The following NALF1 variants were observed in gnomAD, a reference collection of about 807,000 sequenced individuals.
NALF1 encodes NALCN channel auxiliary factor 1.
Under a neutral mutation model 48.4 loss-of-function variants are expected in NALF1, and 3 were observed. That is an observed-to-expected ratio of 0.06 (90% CI 0.03 to 0.16). The LOEUF (loss-of-function observed/expected upper bound fraction) is 0.16, where lower values mean the gene tolerates loss of function less well. NALF1 is among the 10% of genes least tolerant of loss of function. The pLI is 1.00. For synonymous variants in NALF1, 262 were observed against 245.7 expected (o/e 1.07, Z -0.62); for missense variants, 526 against 571.5 (o/e 0.92, Z 0.81).
chr13:107,700,114 G>A (rs1273603059), intron 1 of NALF1, among the ~76,000 whole-genome samples: 2 of 151,406 alleles, frequency 1.3e-5, no homozygotes, highest in Non-Finnish European at 1.5e-5. Flanking sequence ...GTCCCTATCA[G>A]AATTCCAATG....
At chr13:107,729,798 TA>T (rs1876257663) in intron 1 of NALF1, among the ~76,000 whole-genome samples, 2 of 152,138 alleles carry the variant, frequency 1.3e-5, no homozygotes, top group African/African-American at 2.4e-5. Flanking sequence ...ATTTTTAATT[TA>T]AAAAATAGTC....
intron 1 of NALF1, among the ~76,000 whole-genome samples, chr13:107,251,079 A>G (rs975719975): frequency 5.3e-5 from 8 of 152,208 alleles, no homozygotes; most frequent in African/African-American, 1.2e-4. Flanking sequence ...GAACAGACTA[A>G]TATACCTGCA....
intron 1 of NALF1, among the ~76,000 whole-genome samples, chr13:107,575,998 ATG>A (rs56118452): frequency 5.3e-5 from 8 of 151,018 alleles, no homozygotes; most frequent in Middle Eastern, 3.4e-3. Context: ...GTGCATGTAT[ATG>A]TGTGTGTGTG....
intron 1 of NALF1, among the ~76,000 whole-genome samples, chr13:107,761,201 C>CA (rs1226155883): frequency 6.6e-6 from 1 of 151,816 alleles, no homozygotes; most frequent in African/African-American, 2.4e-5. Context: ...ACTAATAATA[C>CA]AAAAAATTAG....
At chr13:107,266,053 G>A (rs1197294711) in intron 1 of NALF1, among the ~76,000 whole-genome samples, 2 of 152,108 alleles carry the variant, frequency 1.3e-5, no homozygotes, top group Non-Finnish European at 2.9e-5. Flanking sequence ...CAGTAAAGAA[G>A]ACATAAAGGT....
chr13:107,513,700 C>A (rs1396077006), intron 1 of NALF1, among the ~76,000 whole-genome samples: 5 of 152,182 alleles, frequency 3.3e-5, no homozygotes, highest in Admixed American at 3.3e-4. Flanking sequence ...GCTGGCAGGT[C>A]TTCCAGGAGA....
intron 1 of NALF1, among the ~76,000 whole-genome samples, chr13:107,806,858 G>A (rs1413002943): frequency 6.6e-6 from 1 of 151,958 alleles, no homozygotes; most frequent in Non-Finnish European, 1.5e-5. Flanking sequence ...CTGATTCATG[G>A]GCATCATGCT....
chr13:107,413,976 A>G (rs915749433), intron 1 of NALF1, among the ~76,000 whole-genome samples: 6 of 151,956 alleles, frequency 3.9e-5, no homozygotes, highest in Non-Finnish European at 8.8e-5. Context: ...TAGTAGCGAC[A>G]GGGTTTCACC....
chr13:107,294,664 G>A (rs1278130773), intron 1 of NALF1, among the ~76,000 whole-genome samples: 4 of 152,178 alleles, frequency 2.6e-5, no homozygotes, highest in Non-Finnish European at 4.4e-5. Context: ...CTGAGGCAAA[G>A]AGAGCCCGAA....
intron 1 of NALF1, among the ~76,000 whole-genome samples, chr13:107,845,852 A>G (rs1436995187): frequency 6.6e-6 from 1 of 152,194 alleles, no homozygotes; most frequent in Non-Finnish European, 1.5e-5. Context: ...GCCACTACTA[A>G]AGAATTATTT....
chr13:107,565,673 G>A (rs1877791268), intron 1 of NALF1, among the ~76,000 whole-genome samples: 1 of 152,078 alleles, frequency 6.6e-6, no homozygotes, highest in South Asian at 2.1e-4. Context: ...AAATGAGACC[G>A]TGCCCATGAG....
At chr13:107,753,077 G>A (rs575889400) in intron 1 of NALF1, among the ~76,000 whole-genome samples, 4 of 152,270 alleles carry the variant, frequency 2.6e-5, no homozygotes, top group African/African-American at 7.2e-5. Context: ...CTTACACAGA[G>A]GAAAGGAGAA....
Position 107,592,819 on chromosome 13 carries a change from A to T in NALF1, c.915+272863T>A, listed in dbSNP as rs1203745522. 3.9e-5 allele frequency among the ~76,000 whole-genome samples: 6 copies of T among 151,912 alleles called. No homozygotes were observed. In the East Asian group the frequency reaches 1.2e-3, roughly 29 times the overall value. On this transcript the variant is annotated intron_variant, in intron 1 of 2. Transcript: ENST00000375915. Reference sequence around the variant, plus strand: ...TTTGTAGTTACCGATAAATTCTTAAAAATAAAGATACATAAAAATGAAATC... The same window carrying T: ...TTTGTAGTTACCGATAAATTCTTAATAATAAAGATACATAAAAATGAAATC...
At chr13:107,381,548 C>T (rs1594146378) in intron 1 of NALF1, among the ~76,000 whole-genome samples, 1 of 151,968 alleles carries the variant, frequency 6.6e-6, no homozygotes, top group East Asian at 1.9e-4. Flanking sequence ...ACCTGCATCC[C>T]TACGCACCGC....
chr13:107,685,596 G>C (rs1158941398), intron 1 of NALF1, among the ~76,000 whole-genome samples: 1 of 152,196 alleles, frequency 6.6e-6, no homozygotes, highest in Non-Finnish European at 1.5e-5. Flanking sequence ...CTAGTAACTT[G>C]AAATGAAGAG....
At chr13:107,380,427 C>G (rs183724316) in intron 1 of NALF1, among the ~76,000 whole-genome samples, 42 of 152,142 alleles carry the variant, frequency 2.8e-4, no homozygotes, top group Non-Finnish European at 5.7e-4. Flanking sequence ...AACGCTTTAA[C>G]CAAGGAAATA....
chr13:107,345,327 G>A (rs975321415), intron 1 of NALF1, among the ~76,000 whole-genome samples: 2 of 152,072 alleles, frequency 1.3e-5, no homozygotes, highest in Non-Finnish European at 2.9e-5. Flanking sequence ...TATGGAATCT[G>A]GAAGGACCCT....
chr13:107,245,840 T>G (rs1436703313), intron 1 of NALF1, among the ~76,000 whole-genome samples: 1 of 152,192 alleles, frequency 6.6e-6, no homozygotes, highest in Non-Finnish European at 1.5e-5. Context: ...CCCAAATTCC[T>G]ACATCTCTTT....
intron 2 of NALF1, among the ~76,000 whole-genome samples, chr13:107,208,015 T>G (rs1200231514): frequency 6.6e-6 from 1 of 152,172 alleles, no homozygotes; most frequent in Non-Finnish European, 1.5e-5. Context: ...CTGCTAGTTA[T>G]CAACATGAAT....
Sources: gnomAD v4.1 joint callset for allele counts (sites outside exome capture counted in the v4.1 genomes callset) on GRCh38, gnomAD v4.1.1 for gene constraint, MANE v1.5 for transcripts, NCBI Gene and HGNC (gene_info 2026-07-23, HGNC 2026-07-21) for gene names.